Variants in ATP5F1A observed in about 807,000 individuals in gnomAD.
ATP5F1A encodes the protein ATP synthase F(1) complex subunit alpha, mitochondrial.
ATP5F1A carries 24 observed loss-of-function variants against 57.4 expected under a neutral mutation model. The ratio of observed to expected loss-of-function variants is 0.42; its 90% CI spans 0.30 to 0.59. The LOEUF (loss-of-function observed/expected upper bound fraction) is 0.59. ATP5F1A is among the 20% of genes least tolerant of loss of function. The pLI, the probability that ATP5F1A is intolerant of heterozygous loss-of-function variation, is 0.19. For missense variants in ATP5F1A, 494 were observed against 707.9 expected (o/e 0.70, Z 3.43); for synonymous variants, 251 against 255.5 (o/e 0.98, Z 0.17).
At chr18:46,091,316 G>A (rs189433501) in intron 3 of ATP5F1A, among the ~76,000 whole-genome samples, 11 of 152,136 alleles carry the variant, frequency 7.2e-5, no homozygotes, top group East Asian at 1.9e-4. Context: ...ACAAAGTCAC[G>A]GACTTCCAAT....
chr18:46,093,644 C>T lies in ATP5F1A; in HGVS notation c.139+1409G>A, dbSNP rs151222121. On this transcript the variant is annotated intron_variant, in intron 2 of 11. Coordinates refer to ENST00000398752, the MANE Select transcript of ATP5F1A (RefSeq NM_004046.6). ...TTTGAGATCAGCCAGGCCAACATGG[C>T]GAAACTCTATCTCTACTAAAAATAC... is the stretch of plus-strand genomic sequence containing the variant. Among the ~76,000 whole-genome samples the T allele has an allele frequency of 7.2e-5, 11 of 151,916 alleles. No homozygotes were observed. The East Asian group carries it at 1.7e-3, about 24-fold the overall frequency.
In ATP5F1A at chr18:46,091,731, A is replaced by G; in HGVS notation, c.260T>C (p.Leu87Pro). 2 of 1,613,434 alleles carry G rather than the reference A, an allele frequency of 1.2e-6. No individual in the cohort carries two copies. The highest frequency in any genetic ancestry group is 1.7e-6 in the Non-Finnish European group (2 of 1,179,828). ...CATTTCTTCTGCTTGAACATTCCTC[A>G]GCCCATGTACGCGGGCAATACCATC... is the stretch of plus-strand genomic sequence containing the variant. ...IGDGIARVHG[L>P]RNVQAEEMVE... Residue 87 changes from leucine (L) to proline (P), a missense_variant, in exon 3 of 12, where the codon CTG becomes CCG. Around this residue, in one of 6 missense-constraint regions of ATP5F1A, gnomAD observed 142 missense variants for 137.5 expected, o/e 1.03. Coordinates refer to ENST00000398752, the MANE Select transcript of ATP5F1A (RefSeq NM_004046.6).
chr18:46,096,448 C>G (rs1219758151), intron 1 of ATP5F1A, among the ~76,000 whole-genome samples: 1 of 134,388 alleles, frequency 7.4e-6, no homozygotes, highest in Non-Finnish European at 1.5e-5. Flanking sequence ...TGTGGTGAGC[C>G]AAGATCGCGC....
upstream of ATP5F1A, chr18:46,099,305 G>C (rs1365778444): frequency 6.6e-6 from 1 of 151,772 alleles, no homozygotes; most frequent in Non-Finnish European, 1.5e-5. Context: ...ATGCTTACCT[G>C]GATGGGCTTT....
chr18:46,103,610 C>CA (rs71160711), intron 1 of ATP5F1A, among the ~76,000 whole-genome samples: 12,976 of 33,634 alleles, frequency 0.39, 2,802 homozygotes, highest in Middle Eastern at 0.48. Flanking sequence ...GACTCCATCT[C>CA]AAAAAAAAAA....
At chr18:46,091,909 A>G in intron 2 of ATP5F1A, 58 bp from the exon 3 acceptor site, 2 of 1,540,264 alleles carry the variant, frequency 1.3e-6, no homozygotes, top group Non-Finnish European at 1.8e-6. Context: ...ACAGTGGCTC[A>G]CAGCTGTAAT....
chr18:46,099,516 T>C (rs958277581), upstream of ATP5F1A, among the ~76,000 whole-genome samples: 5 of 151,998 alleles, frequency 3.3e-5, no homozygotes, highest in African/African-American at 1.2e-4. Flanking sequence ...GCAGTGGGTT[T>C]ATCACCATTC....
At chr18:46,098,362 A>AAACCCCCCCCCCCCCC (rs1555696620), upstream of ATP5F1A, 1 of 1,192,938 alleles carries the variant, frequency 8.4e-7, no homozygotes, top group Non-Finnish European at 1.1e-6. Context: ...CCTCGCGTTC[A>AAACCCCCCCCCCCCCC]CCACCTCTCC....
upstream of ATP5F1A, among the ~76,000 whole-genome samples, chr18:46,102,173 C>CAA (rs1225574441): frequency 0.078 from 8,527 of 109,966 alleles, 336 homozygotes; most frequent in African/African-American, 0.15. Context: ...GACTCCCTCT[C>CAA]AAAAAAAAAA....
At chr18:46,101,450 A>G (rs1911272416), upstream of ATP5F1A, among the ~76,000 whole-genome samples, 1 of 152,250 alleles carries the variant, frequency 6.6e-6, no homozygotes, top group East Asian at 1.9e-4. Flanking sequence ...CTGTAACCCC[A>G]GCTACTCAGG....
chr18:46,083,835 A>G lies in ATP5F1A; in HGVS notation c.*447T>C, dbSNP rs1320596662. 1 of 153,122 alleles carries G rather than the reference A, an allele frequency of 6.5e-6. No individual in the cohort carries two copies. The highest frequency in any genetic ancestry group is 1.9e-4 in the East Asian group (1 of 5,188). The allele number at this position is 153,122 out of a possible 1,614,324, so 9.5% of individuals were successfully genotyped here. ...CCCGTCTCTACTAAAAATACTAAAA[A>G]ACTAGCCAGGCGTGGTGGTGGGCAC... On this transcript the variant is annotated 3_prime_UTR_variant, in exon 12 of 12. Coordinates refer to ENST00000398752, the MANE Select transcript of ATP5F1A (RefSeq NM_004046.6).
intron 10 of ATP5F1A, chr18:46,084,975 T>A (rs1909973986): frequency 4.7e-6 from 1 of 210,698 alleles, no homozygotes; most frequent in Non-Finnish European, 9.3e-6. Context: ...AAAAACGTAT[T>A]AACTTTCTTT....
At chr18:46,086,889 T>C in intron 8 of ATP5F1A, 119 bp downstream of exon 8, 1 of 1,130,528 alleles carries the variant, frequency 8.8e-7, no homozygotes, top group Non-Finnish European at 1.2e-6. Flanking sequence ...TATTTGAAAT[T>C]TTCCATAATA....
chr18:46,103,549 TGAGAGCC>T (rs1343750922), intron 1 of ATP5F1A, among the ~76,000 whole-genome samples: 2 of 128,366 alleles, frequency 1.6e-5, no homozygotes, highest in Non-Finnish European at 3.1e-5. Flanking sequence ...GGCAGTGAGC[TGAGAGCC>T]GAGAGCCGAG....
Position 46,082,113 on chromosome 18 carries a change from G to C in ATP5F1A, c.*2169C>G, listed in dbSNP as rs1909787865. ...AAAAAAAAAAAAGAGGCCGGGCGCG[G>C]TGGCTCAAGCCTGTAATCCCAGCAC... On this transcript the variant is annotated 3_prime_UTR_variant, in exon 12 of 12. Coordinates refer to ENST00000398752, the MANE Select transcript of ATP5F1A (RefSeq NM_004046.6). 6.6e-6 allele frequency: 1 copy of C among 151,340 alleles called. No individual in the cohort carries two copies. The highest frequency in any genetic ancestry group is 1.5e-5 in the Non-Finnish European group (1 of 67,906). The allele number at this position is 151,340 out of a possible 1,614,324, so 9.4% of individuals were successfully genotyped here.
chr18:46,097,947 G>C (rs1267584751), intron 1 of ATP5F1A: 3 of 1,285,588 alleles, frequency 2.3e-6, no homozygotes, highest in Admixed American at 3.8e-5. Flanking sequence ...CCTGTCTCTG[G>C]ACACCATCGA....
At chr18:46,095,366 TTTATTA>T (rs1321635150) in intron 1 of ATP5F1A, among the ~76,000 whole-genome samples, 2 of 152,128 alleles carry the variant, frequency 1.3e-5, no homozygotes, top group Non-Finnish European at 2.9e-5. Context: ...CAGTCTGTAC[TTTATTA>T]TTATTGTTTT....
chr18:46,095,563 C>CT (rs1380091965), intron 1 of ATP5F1A, among the ~76,000 whole-genome samples: 9 of 151,900 alleles, frequency 5.9e-5, no homozygotes, highest in Non-Finnish European at 7.4e-5. Context: ...GTGATCCACC[C>CT]GCCTTGGCCT....
chr18:46,093,786 T>C (rs1199653689), intron 2 of ATP5F1A, among the ~76,000 whole-genome samples: 3 of 151,802 alleles, frequency 2.0e-5, no homozygotes, highest in Non-Finnish European at 4.4e-5. Context: ...ATGGCGCAAC[T>C]GCACTCCAGC....
Sources: gnomAD v4.1 joint callset for allele counts (sites outside exome capture counted in the v4.1 genomes callset) on GRCh38, gnomAD v4.1.1 for gene constraint, gnomAD v4.1.1 regional missense constraint, MANE v1.5 for transcripts, NCBI Gene and HGNC (gene_info 2026-07-23, HGNC 2026-07-21) for gene names.